Variants in DLGAP3 observed in about 807,000 individuals in gnomAD.
DLGAP3 encodes DLG associated protein 3, also known as disks large-associated protein 3.
Under a neutral mutation model 81.2 loss-of-function variants are expected in DLGAP3, and 17 were observed. That is an observed-to-expected ratio of 0.21 (90% CI 0.14 to 0.31). The LOEUF (loss-of-function observed/expected upper bound fraction) is 0.31, where lower values mean the gene tolerates loss of function less well. Among genes scored for constraint, DLGAP3 ranks in the 10% least tolerant of loss-of-function variants. The pLI, the probability that DLGAP3 is intolerant of heterozygous loss-of-function variation, is 1.00. For synonymous variants in DLGAP3, 577 were observed against 587.4 expected, an observed-to-expected ratio of 0.98 and a Z score of 0.26; for missense variants, 1,124 against 1,388.0, an observed-to-expected ratio of 0.81 and a Z score of 3.02.
chr1:34,878,507 A>G (rs1639093315), intron 8 of DLGAP3, among the ~76,000 whole-genome samples: 3 of 152,164 alleles, frequency 2.0e-5, no homozygotes, highest in Non-Finnish European at 4.4e-5. Context: ...ATATTAAAAG[A>G]GCCAAGCCAC....
At chr1:34,899,207 T>G (rs372882419) in intron 5 of DLGAP3, among the ~76,000 whole-genome samples, 2 of 151,756 alleles carry the variant, frequency 1.3e-5, no homozygotes, top group East Asian at 1.9e-4. Flanking sequence ...TAGCTGGGAC[T>G]ACAGGCACCC....
chr1:34,897,654 T>A (rs905394133), intron 5 of DLGAP3, among the ~76,000 whole-genome samples: 3 of 152,066 alleles, frequency 2.0e-5, no homozygotes, highest in Non-Finnish European at 4.4e-5. Flanking sequence ...AGAGCGAGTG[T>A]GATTATAGTT....
At chr1:34,880,630 TG>T (rs1195668821) in intron 8 of DLGAP3, among the ~76,000 whole-genome samples, 1 of 150,582 alleles carries the variant, frequency 6.6e-6, no homozygotes, top group African/African-American at 2.4e-5. Context: ...ACTCGGGAGG[TG>T]GAAGTTGCAG....
chr1:34,896,633 A>G (rs1451393978), intron 5 of DLGAP3, among the ~76,000 whole-genome samples: 2 of 148,924 alleles, frequency 1.3e-5, no homozygotes, highest in South Asian at 2.1e-4. Flanking sequence ...AAACTGTCCT[A>G]TGGTCTCTGT....
intron 1 of DLGAP3, among the ~76,000 whole-genome samples, chr1:34,921,686 C>T (rs958165779): frequency 2.0e-5 from 3 of 152,166 alleles, no homozygotes; most frequent in East Asian, 3.8e-4. Flanking sequence ...GAGGCACTTG[C>T]GATGGGGAAG....
At chr1:34,910,729 G>A (rs563016464) in intron 1 of DLGAP3, among the ~76,000 whole-genome samples, 1 of 152,238 alleles carries the variant, frequency 6.6e-6, no homozygotes, top group South Asian at 2.1e-4. Context: ...CCCTGACTAG[G>A]TCAGATCCCC....
At chr1:34,886,886 C>A (rs193196105) in intron 5 of DLGAP3, among the ~76,000 whole-genome samples, 1 of 146,814 alleles carries the variant, frequency 6.8e-6, no homozygotes, top group African/African-American at 2.5e-5. Context: ...GAAACTAATG[C>A]GTAAGTGATG....
At chr1:34,884,528 AAGTGAGGAGG>A (rs373805540) in intron 8 of DLGAP3, among the ~76,000 whole-genome samples, 1 of 150,794 alleles carries the variant, frequency 6.6e-6, no homozygotes, top group African/African-American at 2.5e-5. Context: ...TGTGTGAGCC[AAGTGAGGAGG>A]AGTGTTATAT....
chr1:34,868,182 T>G lies in DLGAP3; in HGVS notation c.2485+423A>C, dbSNP rs576853503. On this transcript the variant is annotated intron_variant, in intron 9 of 11. Coordinates refer to ENST00000373347, the MANE Select transcript of DLGAP3 (RefSeq NM_001080418.3). The surrounding 1 kb of genome is among the most constrained non-coding windows in gnomAD (Gnocchi z 7.5). ...CCAGGGCCACATCTCCCTGGCTGAA[T>G]CTCCCTCTTCTGTGCCTCAGACAGG... is the stretch of plus-strand genomic sequence containing the variant. Among the ~76,000 whole-genome samples, 1 of 152,276 alleles carries G rather than the reference T, an allele frequency of 6.6e-6. No individual in the cohort carries two copies. Among genetic ancestry groups the G allele is most frequent in the South Asian group, 2.1e-4 (1 of 4,824 alleles).
At position 34,868,932 on chromosome 1, in the gene DLGAP3, G is replaced by T; in HGVS notation, c.2158C>A (p.Pro720Thr). 1 of 1,609,500 alleles carries T rather than the reference G, an allele frequency of 6.2e-7. No individual in the cohort carries two copies. Among genetic ancestry groups the T allele is most frequent in the Non-Finnish European group, 8.5e-7 (1 of 1,179,838 alleles). Residue 720 changes from proline to threonine, a missense_variant, in exon 9 of 12, where the codon CCC becomes ACC. Around this residue, in one of 9 missense-constraint regions of DLGAP3, gnomAD observed 379 missense variants for 455.7 expected, o/e 0.83. Coordinates refer to ENST00000373347, the MANE Select transcript of DLGAP3 (RefSeq NM_001080418.3). The surrounding 1 kb of genome is among the most constrained non-coding windows in gnomAD (Gnocchi z 7.5). ...AAGACTGAGTAGGTGGGGGCCCGGG[G>T]CCCAGGCTGGGGCTCAGAGGCGTGC... ...QRHASEPQPG[P>T]RAPTYSVFRT...
chr1:34,924,897 T>G (rs1639845865), intron 1 of DLGAP3, among the ~76,000 whole-genome samples: 1 of 152,184 alleles, frequency 6.6e-6, no homozygotes, highest in African/African-American at 2.4e-5. Flanking sequence ...AAGTGGGTCA[T>G]CTGGGAGAAT....
At chr1:34,901,978 A>G (rs1639467030) in intron 3 of DLGAP3, among the ~76,000 whole-genome samples, 1 of 152,188 alleles carries the variant, frequency 6.6e-6, no homozygotes, top group Admixed American at 6.5e-5. Context: ...AGATGGGATC[A>G]AGCCCTGGAA....
intron 3 of DLGAP3, among the ~76,000 whole-genome samples, chr1:34,901,858 T>C (rs753051437): frequency 2.0e-5 from 3 of 152,168 alleles, no homozygotes; most frequent in Non-Finnish European, 4.4e-5. Context: ...AAATATTTTT[T>C]AGGATGCAAG....
chr1:34,899,840 C>A (rs1187619064), intron 4 of DLGAP3, 99 bp from the exon 5 acceptor site: 2 of 1,174,468 alleles, frequency 1.7e-6, no homozygotes, highest in Non-Finnish European at 2.5e-6. Flanking sequence ...TCCTATTCCT[C>A]AGAACCCCCA....
chr1:34,926,765 CA>C (rs1639878718), intron 1 of DLGAP3, among the ~76,000 whole-genome samples: 1 of 152,140 alleles, frequency 6.6e-6, no homozygotes, highest in African/African-American at 2.4e-5. Flanking sequence ...ATCCCTTTAT[CA>C]TTTGTCCTAG....
At position 34,868,997 on chromosome 1, in the gene DLGAP3, G is replaced by A. The variant is rs776832849; in HGVS notation, c.2093C>T (p.Thr698Ile). The change falls in exon 9 of 12, where the codon ACA (threonine) becomes ATA (isoleucine). Residue 698 changes from threonine to isoleucine, a missense_variant. Thr to Ile is a moderately conservative substitution (Grantham distance 89, BLOSUM62 -1). Around this residue, in one of 9 missense-constraint regions of DLGAP3, gnomAD observed 379 missense variants for 455.7 expected, o/e 0.83. Transcript: ENST00000373347. This position sits in a 1 kb window ranked among gnomAD's most constrained non-coding sequence, Gnocchi z 7.5. ...EGLAGLATVA[T>I]EDKALQFGRS... ...TCCAAACTGCAGGGCCTTGTCTTCT[G>A]TGGCCACCGTGGCCAGGCCTGCCAG... The A allele has an allele frequency of 6.2e-7, 1 of 1,605,992 alleles. No individual in the cohort carries two copies.
At chr1:34,922,978 C>T (rs1639817552) in intron 1 of DLGAP3, among the ~76,000 whole-genome samples, 1 of 152,020 alleles carries the variant, frequency 6.6e-6, no homozygotes, top group Non-Finnish European at 1.5e-5. Flanking sequence ...TAAAAGGGCC[C>T]TGTCATGTCC....
intron 8 of DLGAP3, among the ~76,000 whole-genome samples, chr1:34,875,650 A>T (rs1639039996): frequency 6.6e-6 from 1 of 152,246 alleles, no homozygotes; most frequent in Non-Finnish European, 1.5e-5. Context: ...CTATGACTTC[A>T]GAGGGCCCCT....
chr1:34,914,653 A>C (rs180859444), intron 1 of DLGAP3, among the ~76,000 whole-genome samples: 6 of 152,188 alleles, frequency 3.9e-5, no homozygotes, highest in African/African-American at 4.8e-5. Context: ...TCCCTTTCTC[A>C]TTGTGATGTT....
Sources: allele counts gnomAD v4.1 joint callset (sites outside exome capture counted in the v4.1 genomes callset), GRCh38; gene constraint gnomAD v4.1.1; regional missense constraint gnomAD v4.1.1; non-coding constraint Gnocchi (gnomAD v3.1); transcripts MANE v1.5; gene names NCBI Gene and HGNC (gene_info 2026-07-23, HGNC 2026-07-21).